The following ANKDD1B variants were observed in gnomAD, a reference collection of about 807,000 sequenced individuals.
ANKDD1B encodes ankyrin repeat and death domain-containing protein 1B.
ANKDD1B carries 57 observed loss-of-function variants against 59.7 expected under a neutral mutation model. The ratio of observed to expected loss-of-function variants is 0.95; its 90% CI spans 0.77 to 1.19. The LOEUF is 1.19. Among genes scored for constraint, ANKDD1B ranks in the 50% most tolerant of loss-of-function variants. ANKDD1B has a pLI of 0.00. For synonymous variants in ANKDD1B, 216 were observed against 239.5 expected (o/e 0.90, Z 0.91); for missense variants, 602 against 641.9 (o/e 0.94, Z 0.67).
At chr5:75,627,701 C>T (rs1363460) in intron 5 of ANKDD1B, among the ~76,000 whole-genome samples, 8,747 of 152,156 alleles carry the variant, frequency 0.057, 782 homozygotes, top group African/African-American at 0.19. Flanking sequence ...TATTTGTTGA[C>T]GGCCTGTTAT....
intron 5 of ANKDD1B, among the ~76,000 whole-genome samples, chr5:75,626,879 A>C (rs1293270662): frequency 6.6e-6 from 1 of 151,934 alleles, no homozygotes; most frequent in African/African-American, 2.4e-5. Context: ...ATACTTCATG[A>C]ATGGGATTTC....
In ANKDD1B at chr5:75,626,956, C is replaced by T. The variant is rs1581133705; in HGVS notation, c.600+1001C>T. Among the ~76,000 whole-genome samples, 14 of 152,250 alleles carry T rather than the reference C, an allele frequency of 9.2e-5. 2 individuals carry two copies. In the South Asian group the frequency reaches 2.9e-3, roughly 32 times the overall value. On this transcript the variant is annotated intron_variant, in intron 5 of 13. Coordinates refer to ENST00000601380, the MANE Select transcript of ANKDD1B (RefSeq NM_001276713.2). ...TTTAGAAGCTGGTCAGTAATAGTCA[C>T]TTCATTTCACCTGTTTTTAAAAATT...
chr5:75,661,024 T>C (rs2112018761), intron 10 of ANKDD1B, among the ~76,000 whole-genome samples: 1 of 152,186 alleles, frequency 6.6e-6, no homozygotes, highest in East Asian at 1.9e-4. Context: ...TCTAAAGTAG[T>C]TATATGTTAT....
At chr5:75,640,158 C>G (rs764369719) in intron 7 of ANKDD1B, among the ~76,000 whole-genome samples, 3 of 152,056 alleles carry the variant, frequency 2.0e-5, no homozygotes, top group Non-Finnish European at 4.4e-5. Context: ...ATCCTCTCAC[C>G]TCAGCCTCCT....
At chr5:75,663,981 T>C (rs1199855693) in intron 11 of ANKDD1B, among the ~76,000 whole-genome samples, 1 of 152,240 alleles carries the variant, frequency 6.6e-6, no homozygotes, top group Admixed American at 6.5e-5. Flanking sequence ...AGTCATTCTT[T>C]TTGCTGTTCT....
At chr5:75,659,191 C>T in intron 9 of ANKDD1B, 92 bp from the exon 10 acceptor site, 2 of 855,198 alleles carry the variant, frequency 2.3e-6, no homozygotes, top group South Asian at 1.4e-5. Flanking sequence ...AATATATGAC[C>T]TGTGTTTTCC....
Position 75,611,650 on chromosome 5 carries a change from C to G in ANKDD1B, c.16C>G (p.Arg6Gly). Reference protein sequence around the residue: MDPAGRARGQGATAGG... With the variant: MDPAGGARGQGATAGG... ...GGAGGAGACTATGGACCCCGCCGGG[C>G]GCGCCCGGGGCCAAGGGGCCACGGC... Residue 6 changes from arginine (R) to glycine (G), a missense_variant, in exon 1 of 14, where the codon CGC becomes GGC. Physicochemically the swap from Arg to Gly is moderately radical, Grantham distance 125 (BLOSUM62 -2). Coordinates refer to ENST00000601380, the MANE Select transcript of ANKDD1B (RefSeq NM_001276713.2). The G allele has an allele frequency of 8.1e-7, 1 of 1,231,368 alleles. No individual in the cohort carries two copies. The highest frequency in any genetic ancestry group is 1.0e-6 in the Non-Finnish European group (1 of 987,804). 76.3% of individuals were successfully genotyped at this position (1,231,368 alleles called of 1,614,324 possible).
At chr5:75,637,053 C>T (rs546547738) in intron 7 of ANKDD1B, among the ~76,000 whole-genome samples, 1 of 151,650 alleles carries the variant, frequency 6.6e-6, no homozygotes, top group African/African-American at 2.4e-5. Flanking sequence ...TTGAGACCAG[C>T]CTGGCCAACA....
intron 10 of ANKDD1B, among the ~76,000 whole-genome samples, chr5:75,660,219 T>C (rs1005683827): frequency 1.3e-5 from 2 of 152,232 alleles, no homozygotes; most frequent in African/African-American, 4.8e-5. Context: ...CTTGCAAAAG[T>C]GAAACTTTAC....
chr5:75,634,482 G>C (rs556349488), intron 5 of ANKDD1B, among the ~76,000 whole-genome samples: 1 of 152,354 alleles, frequency 6.6e-6, no homozygotes, highest in South Asian at 2.1e-4. Context: ...CCCAGAGTAA[G>C]GGAAGGCTTA....
intron 10 of ANKDD1B, among the ~76,000 whole-genome samples, chr5:75,661,126 C>G (rs1162565414): frequency 6.7e-6 from 1 of 150,112 alleles, no homozygotes; most frequent in East Asian, 1.9e-4. Context: ...TGGCTGGGCG[C>G]GGTGGCTCAC....
chr5:75,617,934 AG>A (rs1209900142), intron 2 of ANKDD1B, among the ~76,000 whole-genome samples: 8 of 151,952 alleles, frequency 5.3e-5, no homozygotes. Flanking sequence ...TGGCGGCAGT[AG>A]GGGGGTGGTG....
chr5:75,653,208 A>C lies in ANKDD1B; in HGVS notation c.865A>C (p.Ser289Arg). The change falls in exon 8 of 14, where the codon AGT becomes CGT. Residue 289 changes from serine to arginine, a missense_variant. Coordinates refer to ENST00000601380, the MANE Select transcript of ANKDD1B (RefSeq NM_001276713.2). The part of the protein sequence containing the change: ...GHASLVNFLL[S>R]ENVDLHQKVE... ...TGCATCCCTTGTCAACTTTCTTCTCAGTGAGAACGTTGATCTGCACCAGAA... is the reference window on the plus strand; with the variant it reads ...TGCATCCCTTGTCAACTTTCTTCTCCGTGAGAACGTTGATCTGCACCAGAA... 9 of 1,536,056 alleles carry C rather than the reference A, an allele frequency of 5.9e-6. No individual in the cohort carries two copies. The highest frequency in any genetic ancestry group is 7.8e-6 in the Non-Finnish European group (9 of 1,146,830).
intron 1 of ANKDD1B, among the ~76,000 whole-genome samples, chr5:75,612,488 C>G (rs1292447426): frequency 2.6e-5 from 4 of 152,080 alleles, no homozygotes; most frequent in African/African-American, 9.7e-5. Context: ...GCACACCATC[C>G]AAGCCTACTG....
chr5:75,616,525 C>T (rs1773721278), intron 1 of ANKDD1B, among the ~76,000 whole-genome samples: 1 of 152,156 alleles, frequency 6.6e-6, no homozygotes, highest in African/African-American at 2.4e-5. Context: ...CCTTCTAAGC[C>T]AGATACCAGG....
In ANKDD1B at chr5:75,669,385, TA is replaced by T. The variant is rs1775411137; in HGVS notation, c.1525+4del. On this transcript the variant is annotated splice_donor_region_variant and intron_variant, in intron 13 of 13. Coordinates refer to ENST00000601380, the MANE Select transcript of ANKDD1B (RefSeq NM_001276713.2). ...ACGCAGGTTTCCCAAAACTAGCTGG[TA>T]AGTGACAGTTTCAACAACAGAAATT... is the stretch of plus-strand genomic sequence containing the variant. 8.1e-7 allele frequency: 1 copy of T among 1,231,996 alleles called. No individual in the cohort carries two copies. The highest frequency in any genetic ancestry group is 4.2e-5 in the Admixed American group (1 of 23,700). 76.3% of individuals were successfully genotyped at this position (1,231,996 alleles called of 1,614,324 possible). A position where few individuals can be genotyped will look rare whatever the true frequency, so the allele number is the denominator to read the frequency against.
At chr5:75,640,394 A>G (rs1353463943) in intron 7 of ANKDD1B, among the ~76,000 whole-genome samples, 9 of 152,192 alleles carry the variant, frequency 5.9e-5, no homozygotes, top group African/African-American at 2.2e-4. Flanking sequence ...TAACATGTGG[A>G]TAATATTAAC....
chr5:75,650,094 G>C (rs747628012), intron 7 of ANKDD1B, among the ~76,000 whole-genome samples: 1 of 152,308 alleles, frequency 6.6e-6, no homozygotes. Context: ...GGGGTGATGT[G>C]GTAGGCAGGG....
Position 75,647,974 on chromosome 5 carries a change from C to T in ANKDD1B, c.799-5168C>T, listed in dbSNP as rs1203964779. Among the ~76,000 whole-genome samples, 11 of 116,772 alleles carry T rather than the reference C, an allele frequency of 9.4e-5. No homozygotes were observed. In the East Asian group the frequency reaches 2.0e-3, roughly 21 times the overall value. 76.6% of individuals were successfully genotyped at this position (116,772 alleles called of 152,430 possible). A position where few individuals can be genotyped will look rare whatever the true frequency, so the allele number is the denominator to read the frequency against. ...GTAGGGACATGGATGAAATTGGAAA[C>T]CATCATTCTCAGTAAACTATCACAA... is the stretch of plus-strand genomic sequence containing the variant. On this transcript the variant is annotated intron_variant, in intron 7 of 13. Coordinates refer to ENST00000601380, the MANE Select transcript of ANKDD1B (RefSeq NM_001276713.2).
Sources: allele counts gnomAD v4.1 joint callset (sites outside exome capture counted in the v4.1 genomes callset), GRCh38; gene constraint gnomAD v4.1.1; transcripts MANE v1.5; gene names NCBI Gene and HGNC (gene_info 2026-07-23, HGNC 2026-07-21).